Variants in MGAT4C observed in about 807,000 individuals in gnomAD.
The protein encoded by MGAT4C is alpha-1,3-mannosyl-glycoprotein 4-beta-N-acetylglucosaminyltransferase C.
A neutral mutation model predicts 40.1 loss-of-function variants in MGAT4C; 19 were observed. The observed-to-expected ratio is 0.47, with a 90% confidence interval of 0.33 to 0.70. The LOEUF (loss-of-function observed/expected upper bound fraction) is 0.70, where lower values mean the gene tolerates loss of function less well. Among genes scored for constraint, MGAT4C ranks in the 30% least tolerant of loss-of-function variants. MGAT4C has a pLI of 0.02. For synonymous variants in MGAT4C, 181 were observed against 187.1 expected (o/e 0.97, Z 0.27); for missense variants, 491 against 563.2 (o/e 0.87, Z 1.30).
intron 2 of MGAT4C, among the ~76,000 whole-genome samples, chr12:86,517,916 G>A (rs557484924): frequency 1.3e-5 from 2 of 152,120 alleles, no homozygotes; most frequent in Admixed American, 6.5e-5. Flanking sequence ...CCAAAGTGCT[G>A]GGATTACAGG....
intron 3 of MGAT4C, among the ~76,000 whole-genome samples, chr12:86,364,703 TGTCTGGGG>T (rs1432236935): frequency 1.3e-5 from 2 of 151,986 alleles, no homozygotes; most frequent in Non-Finnish European, 2.9e-5. Context: ...TAAAGCTGGG[TGTCTGGGG>T]GTGACATCAC....
At chr12:86,772,810 T>C (rs533940250) in intron 1 of MGAT4C, among the ~76,000 whole-genome samples, 1 of 152,310 alleles carries the variant, frequency 6.6e-6, no homozygotes, top group South Asian at 2.1e-4. Flanking sequence ...TATCCCACCA[T>C]TGTATTTTCA....
chr12:86,341,351 T>C (rs1954901276), intron 3 of MGAT4C, among the ~76,000 whole-genome samples: 1 of 152,192 alleles, frequency 6.6e-6, no homozygotes, highest in Non-Finnish European at 1.5e-5. Context: ...CAGAGCTACA[T>C]GGAGTCTCAG....
intron 2 of MGAT4C, among the ~76,000 whole-genome samples, chr12:86,038,289 C>G (rs891467970): frequency 6.7e-6 from 1 of 149,576 alleles, no homozygotes; most frequent in African/African-American, 2.4e-5. Context: ...ATGCCACGAG[C>G]GGTTTATGCC....
At chr12:86,058,644 T>G (rs1163974926) in intron 1 of MGAT4C, among the ~76,000 whole-genome samples, 1 of 152,110 alleles carries the variant, frequency 6.6e-6, no homozygotes, top group East Asian at 1.9e-4. Context: ...CAAGGCAACA[T>G]ATATATGTCT....
chr12:86,204,394 A>T (rs1434982930), intron 1 of MGAT4C, among the ~76,000 whole-genome samples: 2 of 152,128 alleles, frequency 1.3e-5, no homozygotes, highest in Non-Finnish European at 2.9e-5. Context: ...TAGAATTAAG[A>T]TAAAAATAAC....
chr12:86,288,982 T>C (rs948904965), intron 4 of MGAT4C, among the ~76,000 whole-genome samples: 6 of 152,204 alleles, frequency 3.9e-5, no homozygotes, highest in Admixed American at 2.6e-4. Context: ...ATGAAATCTT[T>C]GTCAGGGCCT....
At chr12:86,685,634 T>C (rs953583535) in intron 2 of MGAT4C, among the ~76,000 whole-genome samples, 7 of 152,210 alleles carry the variant, frequency 4.6e-5, no homozygotes, top group African/African-American at 1.7e-4. Flanking sequence ...CATGGCCATT[T>C]TCACAATATT....
chr12:85,979,466 G>A lies in MGAT4C; in HGVS notation c.1260C>T (p.Ser420=). 4 of 1,613,292 alleles carry A rather than the reference G, an allele frequency of 2.5e-6. No individual in the cohort carries two copies. Among genetic ancestry groups the A allele is most frequent in the Non-Finnish European group, 3.4e-6 (4 of 1,179,568 alleles). Residue 420 remains serine, a synonymous_variant, in exon 5 of 5, where the codon AGC becomes AGT. Transcript: ENST00000611864. ...AAGTAGAACATTGTCTCCTTTGTTT[G>A]CTAGGCATAACGTTTTCCCCAACAT... ...ALDVGENVMP[S]KQRRQCSTYL... is the part of the protein sequence containing the mutation.
chr12:86,683,269 C>T (rs1048900975), intron 2 of MGAT4C, among the ~76,000 whole-genome samples: 11 of 146,004 alleles, frequency 7.5e-5, no homozygotes, highest in African/African-American at 2.7e-4. Context: ...ATTTAACTAT[C>T]TATCATCTAT....
intron 3 of MGAT4C, among the ~76,000 whole-genome samples, chr12:86,346,191 T>C (rs1275470723): frequency 3.3e-5 from 5 of 152,110 alleles, no homozygotes; most frequent in Admixed American, 2.6e-4. Flanking sequence ...GCTATACAAA[T>C]ATGGGCTATA....
chr12:86,782,328 C>T (rs992944808), intron 1 of MGAT4C, among the ~76,000 whole-genome samples: 1 of 151,192 alleles, frequency 6.6e-6, no homozygotes, highest in African/African-American at 2.4e-5. Context: ...ACTACAGGCG[C>T]CCGCCACTAC....
At chr12:86,125,514 A>T (rs1238083644) in intron 1 of MGAT4C, among the ~76,000 whole-genome samples, 1 of 152,188 alleles carries the variant, frequency 6.6e-6, no homozygotes, top group Non-Finnish European at 1.5e-5. Context: ...ATCTCAAGAC[A>T]TCAGATGACC....
chr12:86,595,319 T>C (rs940472866), intron 2 of MGAT4C, among the ~76,000 whole-genome samples: 1 of 152,054 alleles, frequency 6.6e-6, no homozygotes, highest in Non-Finnish European at 1.5e-5. Flanking sequence ...TAACCTGAGG[T>C]CAGGAGTTCG....
intron 3 of MGAT4C, among the ~76,000 whole-genome samples, chr12:86,368,471 A>T (rs1235252126): frequency 6.6e-6 from 1 of 150,668 alleles, no homozygotes; most frequent in East Asian, 2.0e-4. Context: ...TCTTTGTGCT[A>T]TAATTTTAGT....
rs367989434 is a variant in MGAT4C at position 86,324,769 on chromosome 12, C to G, written c.-57+9296G>C. Among the ~76,000 whole-genome samples the G allele has an allele frequency of 5.9e-5, 9 of 151,748 alleles. No individual in the cohort carries two copies. The East Asian group carries it at 1.7e-3, about 29-fold the overall frequency. Reference sequence around the variant, plus strand: ...TATTTCTTTTCCAGAAACATTTGCTCTCTGCCCCAGATTTATGTTGGAATG... The same window carrying G: ...TATTTCTTTTCCAGAAACATTTGCTGTCTGCCCCAGATTTATGTTGGAATG... On this transcript the variant is annotated intron_variant, in intron 4 of 7. Coordinates refer to the MGAT4C transcript ENST00000548651.
At chr12:86,052,060 T>C (rs573174124) in intron 1 of MGAT4C, among the ~76,000 whole-genome samples, 1 of 151,876 alleles carries the variant, frequency 6.6e-6, no homozygotes, top group East Asian at 1.9e-4. Context: ...AAATATCTCA[T>C]AGATACTTAA....
At chr12:86,732,828 CAAA>C (rs5799792) in intron 1 of MGAT4C, among the ~76,000 whole-genome samples, 50 of 75,746 alleles carry the variant, frequency 6.6e-4, no homozygotes, top group Non-Finnish European at 6.7e-4. Flanking sequence ...TTTTCTCCAG[CAAA>C]AAAAAAAAAA....
At position 85,980,335 on chromosome 12, in the gene MGAT4C, C is replaced by T. The variant is rs1031482564; in HGVS notation, c.391G>A (p.Glu131Lys). The T allele has an allele frequency of 6.2e-7, 1 of 1,613,714 alleles. No homozygotes were observed. Among genetic ancestry groups the T allele is most frequent in the African/African-American group, 1.3e-5 (1 of 74,902 alleles). Residue 131 changes from glutamate to lysine, a missense_variant, in exon 5 of 5, where the codon GAG becomes AAG. By Grantham distance (56) the Glu-to-Lys change is moderately conservative. Coordinates refer to ENST00000611864, the MANE Select transcript of MGAT4C (RefSeq NM_001351288.2). ...ACCACCACTGAAATTTCCTTCAGCT[C>T]TTCATAGCTGGATTGCTCAAAAATT... ...KSIFEQSSYEELKEISVVVHL... is the reference protein window; with the variant it reads ...KSIFEQSSYEKLKEISVVVHL...
Sources: gnomAD v4.1 joint callset for allele counts (sites outside exome capture counted in the v4.1 genomes callset) on GRCh38, gnomAD v4.1.1 for gene constraint, MANE v1.5 for transcripts, NCBI Gene and HGNC (gene_info 2026-07-23, HGNC 2026-07-21) for gene names.